The following TAFA4 variants were observed in gnomAD, a reference collection of about 807,000 sequenced individuals.
TAFA4 encodes TAFA chemokine like family member 4, also known as chemokine-like protein TAFA-4.
Under a neutral mutation model 21.1 loss-of-function variants are expected in TAFA4, and 20 were observed. The ratio of observed to expected loss-of-function variants is 0.95; its 90% CI spans 0.67 to 1.38. TAFA4 has a LOEUF of 1.38. Among genes scored for constraint, TAFA4 ranks in the 40% most tolerant of loss-of-function variants. TAFA4 has a pLI of 0.00. For synonymous variants in TAFA4, 71 were observed against 67.4 expected, an observed-to-expected ratio of 1.05 and a Z score of -0.26; for missense variants, 211 against 180.9, an observed-to-expected ratio of 1.17 and a Z score of -0.95.
At chr3:68,764,422 G>A (rs555893882) in intron 3 of TAFA4, among the ~76,000 whole-genome samples, 1 of 152,232 alleles carries the variant, frequency 6.6e-6, no homozygotes, top group South Asian at 2.1e-4. Context: ...CCAGACTGTG[G>A]TATTTGTAGA....
chr3:68,818,084 G>C (rs533182164), intron 3 of TAFA4, among the ~76,000 whole-genome samples: 1 of 152,294 alleles, frequency 6.6e-6, no homozygotes, highest in African/African-American at 2.4e-5. Flanking sequence ...GTGTAGCGTA[G>C]CCACTTTCAT....
intron 3 of TAFA4, among the ~76,000 whole-genome samples, chr3:68,763,537 CA>C (rs1328351335): frequency 6.6e-6 from 1 of 152,028 alleles, no homozygotes; most frequent in Non-Finnish European, 1.5e-5. Flanking sequence ...TTCAATGGGT[CA>C]AAAATCAACA....
chr3:68,873,261 G>A (rs1360722049), intron 3 of TAFA4, among the ~76,000 whole-genome samples: 4 of 144,742 alleles, frequency 2.8e-5, no homozygotes, highest in African/African-American at 2.8e-5. Flanking sequence ...ATCAAACAAC[G>A]TCATACTTGT....
At chr3:68,894,950 G>A (rs565484865) in intron 1 of TAFA4, among the ~76,000 whole-genome samples, 1 of 152,252 alleles carries the variant, frequency 6.6e-6, no homozygotes, top group South Asian at 2.1e-4. Flanking sequence ...CACCTCCCAG[G>A]TTCAAGCAAT....
chr3:68,803,123 T>C (rs1253531201), intron 3 of TAFA4, among the ~76,000 whole-genome samples: 3 of 136,786 alleles, frequency 2.2e-5, no homozygotes, highest in Non-Finnish European at 4.8e-5. Context: ...TAGCTCATTT[T>C]CTATCCACTA....
chr3:68,850,417 T>C (rs542524715), intron 3 of TAFA4, among the ~76,000 whole-genome samples: 2 of 152,264 alleles, frequency 1.3e-5, no homozygotes, highest in East Asian at 1.9e-4. Context: ...AATAAAAACA[T>C]GAAAATTTCA....
intron 3 of TAFA4, among the ~76,000 whole-genome samples, chr3:68,814,269 G>C (rs1267357486): frequency 2.0e-5 from 3 of 152,140 alleles, no homozygotes; most frequent in South Asian, 2.1e-4. Context: ...GACAGGGATG[G>C]CCTCTCTCAC....
At chr3:68,812,742 G>C (rs534302205) in intron 3 of TAFA4, among the ~76,000 whole-genome samples, 34 of 151,920 alleles carry the variant, frequency 2.2e-4, no homozygotes, top group African/African-American at 6.8e-4. Context: ...TTTAACACCC[G>C]GCTGTCAACA....
chr3:68,836,966 T>A (rs1704536892), intron 3 of TAFA4, among the ~76,000 whole-genome samples: 1 of 152,204 alleles, frequency 6.6e-6, no homozygotes, highest in African/African-American at 2.4e-5. Context: ...TCGGTATAGT[T>A]CTCTAACACA....
At chr3:68,915,483 C>T (rs904816610) in intron 1 of TAFA4, among the ~76,000 whole-genome samples, 2 of 152,096 alleles carry the variant, frequency 1.3e-5, no homozygotes, top group African/African-American at 4.8e-5. Flanking sequence ...AAAGTAGAAA[C>T]ATTTAGGGTC....
At position 68,733,137 on chromosome 3, in the gene TAFA4, C is replaced by A; in HGVS notation, c.*5G>T. 4.3e-6 allele frequency: 7 copies of A among 1,613,264 alleles called. No individual in the cohort carries two copies. Among genetic ancestry groups the A allele is most frequent in the Admixed American group, 1.7e-5 (1 of 59,966 alleles). Reference sequence around the variant, plus strand: ...CTCCAGGATTGAAGCACACCTCTCTCTTCGCTACCGCGTTACCTAAAACAA... The same window carrying A: ...CTCCAGGATTGAAGCACACCTCTCTATTCGCTACCGCGTTACCTAAAACAA... On this transcript the variant is annotated 3_prime_UTR_variant, in exon 6 of 6. Coordinates refer to ENST00000295569, the MANE Select transcript of TAFA4 (RefSeq NM_182522.5).
intron 3 of TAFA4, among the ~76,000 whole-genome samples, chr3:68,781,257 A>C (rs1213198178): frequency 6.7e-6 from 1 of 149,392 alleles, no homozygotes. Context: ...GAGCAAATTA[A>C]ATCCAAAGCA....
intron 3 of TAFA4, among the ~76,000 whole-genome samples, chr3:68,792,927 C>T (rs1703389569): frequency 6.6e-6 from 1 of 151,210 alleles, no homozygotes; most frequent in Non-Finnish European, 1.5e-5. Flanking sequence ...TAAACTGAGG[C>T]CATCTACACA....
intron 3 of TAFA4, among the ~76,000 whole-genome samples, chr3:68,758,457 G>A (rs1440256795): frequency 1.3e-5 from 2 of 152,090 alleles, no homozygotes; most frequent in Non-Finnish European, 2.9e-5. Context: ...TTTTATAAAG[G>A]GGAGTTCCCC....
chr3:68,802,294 G>C (rs373706326), intron 3 of TAFA4, among the ~76,000 whole-genome samples: 1 of 152,026 alleles, frequency 6.6e-6, no homozygotes, highest in Non-Finnish European at 1.5e-5. Flanking sequence ...CAAACTGGAA[G>C]AAAATATGGA....
intron 3 of TAFA4, among the ~76,000 whole-genome samples, chr3:68,853,011 C>G (rs1399382760): frequency 6.6e-6 from 1 of 152,152 alleles, no homozygotes; most frequent in African/African-American, 2.4e-5. Context: ...AAACTCTTCT[C>G]TCTTCTCAGG....
intron 3 of TAFA4, among the ~76,000 whole-genome samples, chr3:68,814,729 C>G (rs1703925634): frequency 6.6e-6 from 1 of 152,110 alleles, no homozygotes; most frequent in South Asian, 2.1e-4. Flanking sequence ...GTGAAAATGG[C>G]CATACTGCCC....
At chr3:68,852,071 G>C (rs908911205) in intron 3 of TAFA4, among the ~76,000 whole-genome samples, 1 of 152,160 alleles carries the variant, frequency 6.6e-6, no homozygotes, top group Admixed American at 6.6e-5. Flanking sequence ...CACTTTAACA[G>C]TCCCTACCTG....
chr3:68,822,820 A>G (rs1704142653), intron 3 of TAFA4, among the ~76,000 whole-genome samples: 1 of 152,202 alleles, frequency 6.6e-6, no homozygotes, highest in Non-Finnish European at 1.5e-5. Flanking sequence ...ATGCATTCTA[A>G]GATGGAATTA....
Sources: allele counts gnomAD v4.1 joint callset (sites outside exome capture counted in the v4.1 genomes callset), GRCh38; gene constraint gnomAD v4.1.1; transcripts MANE v1.5; gene names NCBI Gene and HGNC (gene_info 2026-07-23, HGNC 2026-07-21).